The following TMPRSS11F variants were observed in gnomAD, a reference collection of about 807,000 sequenced individuals.
TMPRSS11F encodes transmembrane protease serine 11F.
In TMPRSS11F, 47 loss-of-function variants were observed where a neutral mutation model predicts 60.2. The observed-to-expected ratio is 0.78, with a 90% CI of 0.62 to 1.00. TMPRSS11F has a LOEUF of 1.00. Ranked by LOEUF, TMPRSS11F falls within the 50% of genes least tolerant of loss-of-function variation. TMPRSS11F has a pLI of 0.00. For synonymous variants in TMPRSS11F, 166 were observed against 167.3 expected, an observed-to-expected ratio of 0.99 and a Z score of 0.06; for missense variants, 519 against 522.9, an observed-to-expected ratio of 0.99 and a Z score of 0.07.
chr4:68,120,303 C>T (rs1172067808), intron 1 of TMPRSS11F, among the ~76,000 whole-genome samples: 5 of 151,712 alleles, frequency 3.3e-5, no homozygotes, highest in African/African-American at 1.2e-4. Context: ...TTTCAGAGGA[C>T]TGACTCCAAC....
At chr4:68,120,123 T>C (rs1384113679) in intron 1 of TMPRSS11F, among the ~76,000 whole-genome samples, 1 of 152,174 alleles carries the variant, frequency 6.6e-6, no homozygotes, top group Non-Finnish European at 1.5e-5. Flanking sequence ...TGCTGCAATC[T>C]CATGATAAAA....
At chr4:68,065,026 T>G (rs1723296282) in intron 7 of TMPRSS11F, 82 bp from the exon 8 acceptor site, 1 of 1,354,242 alleles carries the variant, frequency 7.4e-7, no homozygotes, top group Non-Finnish European at 1.0e-6. Flanking sequence ...TTCCCAACTG[T>G]CAGTATTATG....
chr4:68,070,440 C>T (rs1723433238), intron 5 of TMPRSS11F, among the ~76,000 whole-genome samples: 1 of 152,144 alleles, frequency 6.6e-6, no homozygotes, highest in African/African-American at 2.4e-5. Flanking sequence ...CTCTATGGAG[C>T]TAAATGCATC....
At chr4:68,119,852 A>G (rs1724589790) in intron 1 of TMPRSS11F, among the ~76,000 whole-genome samples, 1 of 152,228 alleles carries the variant, frequency 6.6e-6, no homozygotes, top group African/African-American at 2.4e-5. Flanking sequence ...TAAGACATAC[A>G]TTGATAAGGC....
chr4:68,063,620 C>T (rs1481713522), intron 8 of TMPRSS11F, among the ~76,000 whole-genome samples: 1 of 152,114 alleles, frequency 6.6e-6, no homozygotes, highest in Non-Finnish European at 1.5e-5. Context: ...ACCTCATGAT[C>T]CGCCCGACTC....
intron 6 of TMPRSS11F, 93 bp from the exon 7 acceptor site, chr4:68,068,912 G>A: frequency 7.7e-7 from 1 of 1,300,128 alleles, no homozygotes; most frequent in East Asian, 2.3e-5. Flanking sequence ...CTTTGTCCCT[G>A]CTACCATGTG....
Position 68,068,616 on chromosome 4 carries a change from A to C in TMPRSS11F, c.755+2T>G. 1 of 1,613,488 alleles carries C rather than the reference A, an allele frequency of 6.2e-7. No individual in the cohort carries two copies. Among genetic ancestry groups the C allele is most frequent in the Non-Finnish European group, 8.5e-7 (1 of 1,179,444 alleles). On this transcript the variant is annotated splice_donor_variant, in intron 7 of 9. Transcript: ENST00000356291. LOFTEE classifies it high-confidence loss of function. ...GGCTCACAGCAGCCTTGGTTAACTT[A>C]CTTCCAAAAGCAGTGAGCTGCTGTG...
intron 1 of TMPRSS11F, among the ~76,000 whole-genome samples, chr4:68,125,376 G>A (rs1724696445): frequency 6.6e-6 from 1 of 151,904 alleles, no homozygotes; most frequent in Non-Finnish European, 1.5e-5. Flanking sequence ...ATAAAGACAA[G>A]TTAATAATAC....
rs1412705249 is a variant in TMPRSS11F, at chr4:68,069,897, C to T, written c.553+72G>A. Reference sequence around the variant, plus strand: ...TAAAAAGCTTGGTAAACTTTACTGCCAACTTTTCTATAACTTTTTTCATGA... The same window carrying T: ...TAAAAAGCTTGGTAAACTTTACTGCTAACTTTTCTATAACTTTTTTCATGA... On this transcript the variant is annotated intron_variant, in intron 6 of 9. Coordinates refer to ENST00000356291, the MANE Select transcript of TMPRSS11F (RefSeq NM_207407.2). The T allele has an allele frequency of 6.8e-6, 9 of 1,321,444 alleles. No homozygotes were observed. In the African/African-American group the frequency reaches 7.5e-5, roughly 11 times the overall value. The allele number at this position is 1,321,444 out of a possible 1,614,324, so 81.9% of individuals were successfully genotyped here. A position where few individuals can be genotyped will look rare whatever the true frequency, so the allele number is the denominator to read the frequency against.
chr4:68,060,253 A>T (rs1322142334), intron 8 of TMPRSS11F, among the ~76,000 whole-genome samples: 1 of 151,684 alleles, frequency 6.6e-6, no homozygotes, highest in African/African-American at 2.4e-5. Context: ...CACACCTGTA[A>T]TCCCAGTACT....
chr4:68,116,578 C>G (rs1274559900), intron 1 of TMPRSS11F, among the ~76,000 whole-genome samples: 1 of 152,104 alleles, frequency 6.6e-6, no homozygotes, highest in African/African-American at 2.4e-5. Context: ...GTACCACACT[C>G]CCTGATTTCA....
chr4:68,089,349 G>T (rs1444423205), intron 3 of TMPRSS11F, among the ~76,000 whole-genome samples: 1 of 152,080 alleles, frequency 6.6e-6, no homozygotes, highest in East Asian at 1.9e-4. Flanking sequence ...TCACAAAAGG[G>T]TGCAGTCCTG....
Position 68,068,807 on chromosome 4 carries a change from C to T in TMPRSS11F, c.566G>A (p.Arg189Lys), listed in dbSNP as rs186317800. Residue 189 changes from arginine (R) to lysine (K), a missense_variant, in exon 7 of 10, where the codon AGG becomes AAG. Arg to Lys is a conservative substitution (Grantham distance 26). Coordinates refer to ENST00000356291, the MANE Select transcript of TMPRSS11F (RefSeq NM_207407.2). ...TAATGGCATGTTTGAAGATGTCATC[C>T]TTATTCCACAGCCTGCCACAGAAAT... ...RNLLNSRCGIRMTSSNMPLPA... is the reference protein window; with the variant it reads ...RNLLNSRCGIKMTSSNMPLPA... The T allele has an allele frequency of 3.8e-5, 61 of 1,614,078 alleles. 1 individual carries two copies. In the East Asian group the frequency reaches 1.2e-3, roughly 31 times the overall value.
At chr4:68,080,950 A>C (rs554335125) in intron 3 of TMPRSS11F, 43 of 152,358 alleles carry the variant, frequency 2.8e-4, no homozygotes, top group African/African-American at 9.6e-4. Context: ...AAGATTCAAT[A>C]AACTTAAAAG....
intron 3 of TMPRSS11F, 136 bp downstream of exon 3, chr4:68,090,387 C>T: frequency 7.6e-7 from 1 of 1,317,614 alleles, no homozygotes; most frequent in Non-Finnish European, 9.9e-7. Flanking sequence ...TTAATCCTCA[C>T]AACTGTATGA....
At position 68,090,653 on chromosome 4, in the gene TMPRSS11F, A is replaced by T. The variant is rs1357263670; in HGVS notation, c.164-12T>A. On this transcript the variant is annotated splice_polypyrimidine_tract_variant and intron_variant, in intron 2 of 9. Transcript: ENST00000356291. ...GAAAGACTTATCATCTGAAAGGTAA[A>T]ACAAACAAAAGTCTCATGGTTAAAG... 3 of 1,586,326 alleles carry T rather than the reference A, an allele frequency of 1.9e-6. No individual in the cohort carries two copies. In the South Asian group the frequency reaches 3.4e-5, roughly 18 times the overall value.
At chr4:68,119,012 A>G (rs1325602956) in intron 1 of TMPRSS11F, among the ~76,000 whole-genome samples, 3 of 152,186 alleles carry the variant, frequency 2.0e-5, no homozygotes, top group Non-Finnish European at 2.9e-5. Flanking sequence ...TATGCAAAGA[A>G]AAAGTTCTTT....
Position 68,098,264 on chromosome 4 carries a change from G to A in TMPRSS11F, c.163+623C>T, listed in dbSNP as rs567956945. ...AGGTTGCAATGAGCCGGGATCGTGCGACTGCACTCCAGCCTGGGTGATAAC... is the reference window on the plus strand; with the variant it reads ...AGGTTGCAATGAGCCGGGATCGTGCAACTGCACTCCAGCCTGGGTGATAAC... On this transcript the variant is annotated intron_variant, in intron 2 of 9. Transcript: ENST00000356291. Among the ~76,000 whole-genome samples, 151 of 152,038 alleles carry A rather than the reference G, an allele frequency of 9.9e-4. 1 individual carries two copies. Among genetic ancestry groups the A allele is most frequent in the African/African-American group, 3.6e-3 (149 of 41,482 alleles).
At chr4:68,121,433 T>C (rs1003667906) in intron 1 of TMPRSS11F, among the ~76,000 whole-genome samples, 3 of 152,230 alleles carry the variant, frequency 2.0e-5, no homozygotes, top group Admixed American at 1.3e-4. Context: ...TTTGGTATGC[T>C]ATTCCTAGAA....
Sources: allele counts gnomAD v4.1 joint callset (sites outside exome capture counted in the v4.1 genomes callset), GRCh38; gene constraint gnomAD v4.1.1; transcripts MANE v1.5; gene names NCBI Gene and HGNC (gene_info 2026-07-23, HGNC 2026-07-21).